WWOX: variants seen among roughly 807,000 people sequenced by gnomAD.
WWOX encodes WW domain containing oxidoreductase, also known as WW domain-containing oxidoreductase.
WWOX carries 69 observed loss-of-function variants against 46.2 expected under a neutral mutation model. The observed-to-expected ratio is 1.49, with a 90% confidence interval of 1.23 to 1.82. WWOX has a LOEUF of 1.82. WWOX is among the 40% of genes most tolerant of loss of function. The pLI, the probability that WWOX is intolerant of heterozygous loss-of-function variation, is 0.00. For synonymous variants in WWOX, 359 were observed against 202.6 expected, an observed-to-expected ratio of 1.77 and a Z score of -6.56; for missense variants, 919 against 542.6, an observed-to-expected ratio of 1.69 and a Z score of -6.89.
chr16:79,031,734 C>T (rs972729971), intron 8 of WWOX, among the ~76,000 whole-genome samples: 2 of 145,166 alleles, frequency 1.4e-5, no homozygotes, highest in Non-Finnish European at 3.0e-5. Flanking sequence ...TTAATAGGCT[C>T]TCTCTCTGTC....
intron 5 of WWOX, among the ~76,000 whole-genome samples, chr16:78,323,400 C>T (rs1472208068): frequency 1.4e-4 from 21 of 152,274 alleles, no homozygotes; most frequent in Admixed American, 1.2e-3. Flanking sequence ...CCACTGCGCC[C>T]GGCCGGGGAT....
intron 8 of WWOX, among the ~76,000 whole-genome samples, chr16:78,854,627 CTG>C (rs1247706105): frequency 6.6e-6 from 1 of 152,214 alleles, no homozygotes; most frequent in Non-Finnish European, 1.5e-5. Flanking sequence ...GTCACCCAGA[CTG>C]GAGTGCAGTG....
At chr16:79,012,645 A>C (rs552522006) in intron 8 of WWOX, among the ~76,000 whole-genome samples, 7 of 152,340 alleles carry the variant, frequency 4.6e-5, no homozygotes, top group Non-Finnish European at 7.3e-5. Flanking sequence ...GGCTGTGATT[A>C]ACCAATGAAT....
At chr16:78,747,889 CA>C (rs1261882279) in intron 8 of WWOX, among the ~76,000 whole-genome samples, 3 of 152,138 alleles carry the variant, frequency 2.0e-5, no homozygotes, top group African/African-American at 7.2e-5. Flanking sequence ...TTCCACCTGT[CA>C]GTGGAGGGGC....
intron 8 of WWOX, among the ~76,000 whole-genome samples, chr16:78,736,558 T>A (rs2049096536): frequency 6.6e-6 from 1 of 150,512 alleles, no homozygotes; most frequent in Non-Finnish European, 1.5e-5. Flanking sequence ...GTTTTCCTTT[T>A]CTTCTCTTCT....
chr16:78,337,694 C>T (rs2080924692), intron 5 of WWOX, among the ~76,000 whole-genome samples: 1 of 151,872 alleles, frequency 6.6e-6, no homozygotes, highest in Admixed American at 6.6e-5. Flanking sequence ...CAGCAAAGTC[C>T]TTCTGAGAAT....
intron 8 of WWOX, among the ~76,000 whole-genome samples, chr16:79,153,933 ACTGTC>A (rs578127480): frequency 0.04 from 6,054 of 152,188 alleles, 224 homozygotes; most frequent in African/African-American, 0.094. Context: ...GCCAGGCTGG[ACTGTC>A]CACAATTTCT....
At chr16:78,612,612 C>A (rs2045927570) in intron 8 of WWOX, among the ~76,000 whole-genome samples, 1 of 152,196 alleles carries the variant, frequency 6.6e-6, no homozygotes, top group Non-Finnish European at 1.5e-5. Context: ...AGTAGGACTA[C>A]AGTTGTGCAC....
At chr16:78,132,061 G>C (rs1415078874) in intron 4 of WWOX, among the ~76,000 whole-genome samples, 1 of 125,462 alleles carries the variant, frequency 8.0e-6, no homozygotes, top group Non-Finnish European at 1.6e-5. Flanking sequence ...GTCTCACTCT[G>C]TCGCCCAGGC....
intron 8 of WWOX, among the ~76,000 whole-genome samples, chr16:79,033,756 C>G (rs1220808251): frequency 1.3e-5 from 2 of 152,224 alleles, no homozygotes; most frequent in East Asian, 3.8e-4. Context: ...ACCATTCTCC[C>G]CTACTTTGTC....
rs1045040525 is a variant in WWOX at position 78,862,992 on chromosome 16, C to T, written c.1057-348616C>T. Among the ~76,000 whole-genome samples, 4 of 137,352 alleles carry T rather than the reference C, an allele frequency of 2.9e-5. No individual in the cohort carries two copies. The South Asian group carries it at 9.3e-4, about 32-fold the overall frequency. 90.1% of individuals were successfully genotyped at this position (137,352 alleles called of 152,430 possible). The stretch of plus-strand genomic sequence containing the variant: ...TTTTTTTTTTTGAGATGGAGTCTTG[C>T]TCTGTTGCCAGGGTGGAGTGCAGTG... On this transcript the variant is annotated intron_variant, in intron 8 of 8. Coordinates refer to ENST00000566780, the MANE Select transcript of WWOX (RefSeq NM_016373.4).
chr16:78,814,452 T>C (rs2051279289), intron 8 of WWOX, among the ~76,000 whole-genome samples: 1 of 151,836 alleles, frequency 6.6e-6, no homozygotes, highest in Non-Finnish European at 1.5e-5. Flanking sequence ...GTGATGAAAC[T>C]ACCAAGAAGC....
At chr16:78,699,288 C>G (rs1393034710) in intron 8 of WWOX, among the ~76,000 whole-genome samples, 1 of 151,630 alleles carries the variant, frequency 6.6e-6, no homozygotes, top group East Asian at 1.9e-4. Context: ...GATCCTAGCA[C>G]TTTTGGAGGC....
chr16:78,507,711 C>A (rs1234565431), intron 8 of WWOX, among the ~76,000 whole-genome samples: 1 of 152,072 alleles, frequency 6.6e-6, no homozygotes, highest in African/African-American at 2.4e-5. Context: ...TGAGGATTTG[C>A]TTGAATTATA....
intron 8 of WWOX, among the ~76,000 whole-genome samples, chr16:78,889,791 C>T (rs1389774459): frequency 6.6e-6 from 1 of 152,140 alleles, no homozygotes; most frequent in Non-Finnish European, 1.5e-5. Flanking sequence ...CAACAGCTGC[C>T]ACCCGAGGTT....
chr16:79,084,640 C>T (rs1029875631), intron 8 of WWOX, among the ~76,000 whole-genome samples: 1 of 152,166 alleles, frequency 6.6e-6, no homozygotes, highest in Non-Finnish European at 1.5e-5. Context: ...GTCTTGGACT[C>T]CTGGCCTCGT....
At chr16:78,794,152 A>G (rs780566666) in intron 8 of WWOX, among the ~76,000 whole-genome samples, 1 of 152,112 alleles carries the variant, frequency 6.6e-6, no homozygotes, top group Non-Finnish European at 1.5e-5. Context: ...GTGCCCTTAT[A>G]AAAGTGACCC....
Position 78,596,976 on chromosome 16 carries a change from A to T in WWOX, c.1056+164224A>T, listed in dbSNP as rs184654921. Among the ~76,000 whole-genome samples the T allele has an allele frequency of 8.4e-4, 128 of 152,288 alleles. 1 individual carries two copies. Among genetic ancestry groups the T allele is most frequent in the Non-Finnish European group, 1.4e-3 (95 of 68,026 alleles). On this transcript the variant is annotated intron_variant, in intron 8 of 8. Coordinates refer to ENST00000566780, the MANE Select transcript of WWOX (RefSeq NM_016373.4). ...CAGTAACCATGTTCTAGCTATGCAG[A>T]TGCAGTTTAAAGACAAATCCTTTGA...
intron 4 of WWOX, among the ~76,000 whole-genome samples, chr16:78,141,990 TTTC>T (rs1428277797): frequency 1.1e-5 from 1 of 91,376 alleles, no homozygotes; most frequent in African/African-American, 4.8e-5. Flanking sequence ...AAATTTTAAA[TTTC>T]TTTTTTTTTT....
Sources: gnomAD v4.1 joint callset for allele counts (sites outside exome capture counted in the v4.1 genomes callset) on GRCh38, gnomAD v4.1.1 for gene constraint, MANE v1.5 for transcripts, NCBI Gene and HGNC (gene_info 2026-07-23, HGNC 2026-07-21) for gene names.